Variants in COL22A1 observed in about 807,000 individuals in gnomAD.
COL22A1 encodes collagen alpha-1(XXII) chain.
A neutral mutation model predicts 248.9 loss-of-function variants in COL22A1; 221 were observed. The ratio of observed to expected loss-of-function variants is 0.89; its 90% CI spans 0.80 to 0.99. The LOEUF (loss-of-function observed/expected upper bound fraction) is 0.99. Ranked by LOEUF, COL22A1 falls within the 50% of genes least tolerant of loss-of-function variation. The pLI, the probability that COL22A1 is intolerant of heterozygous loss-of-function variation, is 0.00. For synonymous variants in COL22A1, 891 were observed against 793.4 expected, an observed-to-expected ratio of 1.12 and a Z score of -2.07; for missense variants, 2,240 against 2,179.0, an observed-to-expected ratio of 1.03 and a Z score of -0.56.
intron 5 of COL22A1, among the ~76,000 whole-genome samples, chr8:138,829,403 G>GTTTTTTTTTTTTTTTTTT (rs765618552): frequency 8.8e-5 from 8 of 90,640 alleles, no homozygotes; most frequent in Non-Finnish European, 1.6e-4. Flanking sequence ...TTCCTTTCCT[G>GTTTTTTTTTTTTTTTTTT]TTTTTTTTTT....
intron 11 of COL22A1, among the ~76,000 whole-genome samples, chr8:138,801,656 C>T (rs919859533): frequency 3.9e-5 from 6 of 152,082 alleles, no homozygotes; most frequent in African/African-American, 1.4e-4. Context: ...GAGGCCGAGG[C>T]GTACCTGAGG....
chr8:138,600,589 C>G (rs1679605569), intron 60 of COL22A1, among the ~76,000 whole-genome samples: 1 of 152,160 alleles, frequency 6.6e-6, no homozygotes, highest in Admixed American at 6.5e-5. Context: ...GTGATGGACC[C>G]TGGAGAGGAG....
intron 22 of COL22A1, among the ~76,000 whole-genome samples, chr8:138,743,229 CG>C (rs1202403638): frequency 1.3e-4 from 9 of 68,142 alleles, no homozygotes; most frequent in Non-Finnish European, 1.5e-4. Context: ...ATAGTAGTAG[CG>C]ATTGTGATGG....
In COL22A1 at chr8:138,725,141, A is replaced by C. The variant is rs553797066; in HGVS notation, c.2193+246T>G. Among the ~76,000 whole-genome samples, 4 of 152,346 alleles carry C rather than the reference A, an allele frequency of 2.6e-5. No homozygotes were observed. The East Asian group carries it at 7.7e-4, about 29-fold the overall frequency. On this transcript the variant is annotated intron_variant, in intron 24 of 64. Transcript: ENST00000303045. ...AACCCCAGGCTAACATGCCTTCTAC[A>C]TGCTGGACTCTGGAGGCAGCCACCA...
At chr8:138,873,108 C>T (rs780028416) in intron 3 of COL22A1, among the ~76,000 whole-genome samples, 9 of 152,092 alleles carry the variant, frequency 5.9e-5, no homozygotes, top group Non-Finnish European at 1.0e-4. Flanking sequence ...GCAGTAGGTT[C>T]CGACAAAAGA....
chr8:138,868,132 G>A (rs1172620964), intron 3 of COL22A1, among the ~76,000 whole-genome samples: 1 of 152,158 alleles, frequency 6.6e-6, no homozygotes, highest in Non-Finnish European at 1.5e-5. Flanking sequence ...AAGAAAGCCT[G>A]GATTTCACTG....
At chr8:138,618,220 T>C (rs1819491110) in intron 53 of COL22A1, among the ~76,000 whole-genome samples, 1 of 152,194 alleles carries the variant, frequency 6.6e-6, no homozygotes, top group Admixed American at 6.5e-5. Context: ...CTCGTTGCAA[T>C]CAAGGTCACA....
At chr8:138,851,895 G>T (rs1241825598) in intron 3 of COL22A1, among the ~76,000 whole-genome samples, 1 of 152,164 alleles carries the variant, frequency 6.6e-6, no homozygotes, top group Non-Finnish European at 1.5e-5. Flanking sequence ...AGGCACTGGG[G>T]TCTCCAAAAT....
At chr8:138,642,275 T>C (rs1008539979) in intron 47 of COL22A1, among the ~76,000 whole-genome samples, 1 of 152,218 alleles carries the variant, frequency 6.6e-6, no homozygotes, top group African/African-American at 2.4e-5. Context: ...AGCTGTGGCA[T>C]TTAATCTTGT....
chr8:138,881,192 A>G (rs2132059820), intron 2 of COL22A1, among the ~76,000 whole-genome samples: 1 of 151,190 alleles, frequency 6.6e-6, no homozygotes, highest in African/African-American at 2.4e-5. Flanking sequence ...TTGGCTGTGC[A>G]TTTGGGGTTG....
chr8:138,832,898 C>T, intron 5 of COL22A1, 141 bp downstream of exon 5: 1 of 603,502 alleles, frequency 1.7e-6, no homozygotes, highest in Non-Finnish European at 3.0e-6. Flanking sequence ...GGTTCAGCTG[C>T]TTCATCGCAG....
At chr8:138,858,228 C>T (rs1256583175) in intron 3 of COL22A1, among the ~76,000 whole-genome samples, 2 of 152,200 alleles carry the variant, frequency 1.3e-5, no homozygotes, top group Non-Finnish European at 2.9e-5. Context: ...AGGAAACTCT[C>T]AGTATCTGCT....
At chr8:138,840,822 G>A (rs929527176) in intron 4 of COL22A1, among the ~76,000 whole-genome samples, 2 of 152,112 alleles carry the variant, frequency 1.3e-5, no homozygotes, top group African/African-American at 4.8e-5. Flanking sequence ...ATGTTGCCCA[G>A]GCTGGTCTTG....
intron 3 of COL22A1, among the ~76,000 whole-genome samples, chr8:138,849,768 G>A (rs1186344376): frequency 2.0e-5 from 3 of 152,212 alleles, no homozygotes; most frequent in Non-Finnish European, 4.4e-5. Context: ...GCTCAGAGAG[G>A]TTAAGTAATT....
intron 47 of COL22A1, among the ~76,000 whole-genome samples, chr8:138,639,246 A>G (rs1821456658): frequency 6.6e-6 from 1 of 152,220 alleles, no homozygotes; most frequent in South Asian, 2.1e-4. Flanking sequence ...CACAGCTTAT[A>G]GAAAGCAAGG....
rs71316352 is a variant in COL22A1, at chr8:138,652,735, G to GTTTTTTTTTTTTTTTTTTTTT, written c.3334-2978_3334-2958dup. Among the ~76,000 whole-genome samples the GTTTTTTTTTTTTTTTTTTTTT allele has an allele frequency of 4.2e-4, 23 of 54,284 alleles. 9 individuals carry two copies. The highest frequency in any genetic ancestry group is 7.2e-4 in the Non-Finnish European group (21 of 28,984). 35.6% of individuals were successfully genotyped at this position (54,284 alleles called of 152,430 possible). A position where few individuals can be genotyped will look rare whatever the true frequency, so the allele number is the denominator to read the frequency against. Reference sequence around the variant, plus strand: ...TAAAATATTTTCTTTTCCTTTTCTGGTTTTTTTTTTTTTTTTTTTTTTTTT... The same window carrying GTTTTTTTTTTTTTTTTTTTTT: ...TAAAATATTTTCTTTTCCTTTTCTGGTTTTTTTTTTTTTTTTTTTTTTTTTTTTTTTTTTTTTTTTTTTTTT... On this transcript the variant is annotated intron_variant, in intron 45 of 64. Transcript: ENST00000303045.
intron 2 of COL22A1, among the ~76,000 whole-genome samples, chr8:138,881,920 G>T (rs1186471647): frequency 6.6e-6 from 1 of 152,164 alleles, no homozygotes; most frequent in Admixed American, 6.5e-5. Flanking sequence ...CCCTCATACA[G>T]GTTAGCAAAA....
chr8:138,662,031 T>G lies in COL22A1; in HGVS notation c.3239A>C (p.Asp1080Ala). 6.2e-7 allele frequency: 1 copy of G among 1,611,668 alleles called. No individual in the cohort carries two copies. Among genetic ancestry groups the G allele is most frequent in the African/African-American group, 1.3e-5 (1 of 74,966 alleles). Reference protein sequence around the residue: ...FPGPQGPAGRDGAPGNPGERG... With the variant: ...FPGPQGPAGRAGAPGNPGERG... ...TCCACGCCATTTCTCTGTACTTACG[T>G]CCCGGCCGGCTGGGCCCTGGGGGCC... The change falls in exon 43 of 65, where the codon GAC becomes GCC. Residue 1080 changes from aspartate to alanine, a missense_variant and splice_region_variant. By Grantham distance (126) the Asp-to-Ala change is moderately radical. Coordinates refer to ENST00000303045, the MANE Select transcript of COL22A1 (RefSeq NM_152888.3).
intron 39 of COL22A1, among the ~76,000 whole-genome samples, chr8:138,682,232 T>C (rs1179712229): frequency 6.6e-6 from 1 of 151,018 alleles, no homozygotes; most frequent in African/African-American, 2.4e-5. Flanking sequence ...CATGCATGCA[T>C]TCCAGAAGTG....
Sources: gnomAD v4.1 joint callset for allele counts (sites outside exome capture counted in the v4.1 genomes callset) on GRCh38, gnomAD v4.1.1 for gene constraint, MANE v1.5 for transcripts, NCBI Gene and HGNC (gene_info 2026-07-23, HGNC 2026-07-21) for gene names.